Variants in ERC2 observed in about 807,000 individuals in gnomAD.
ERC2 encodes the protein ERC protein 2.
A neutral mutation model predicts 114.8 loss-of-function variants in ERC2; 42 were observed. The observed-to-expected ratio is 0.37, with a 90% CI of 0.29 to 0.47. The LOEUF is 0.47. ERC2 is among the 20% of genes least tolerant of loss of function. ERC2 has a pLI of 0.99. For missense variants in ERC2, 939 were observed against 1,150.7 expected (o/e 0.82, Z 2.66); for synonymous variants, 454 against 425.5 (o/e 1.07, Z -0.82).
intron 2 of ERC2, among the ~76,000 whole-genome samples, chr3:56,395,043 T>TA (rs566484477): frequency 0.25 from 36,781 of 145,286 alleles, 4,708 homozygotes; most frequent in Non-Finnish European, 0.3. Flanking sequence ...TCACACTAAG[T>TA]AAAAAAAAAA....
At chr3:56,238,520 C>T (rs940608240) in intron 3 of ERC2, among the ~76,000 whole-genome samples, 3 of 152,240 alleles carry the variant, frequency 2.0e-5, no homozygotes, top group Non-Finnish European at 4.4e-5. Context: ...CAACTCCCAC[C>T]TAGCCCTGCC....
chr3:55,964,178 G>A (rs2068583107), intron 12 of ERC2, among the ~76,000 whole-genome samples: 1 of 152,168 alleles, frequency 6.6e-6, no homozygotes, highest in South Asian at 2.1e-4. Flanking sequence ...TATAATCTCA[G>A]TTAAATGAAA....
At chr3:55,730,308 C>T (rs1475283424) in intron 15 of ERC2, among the ~76,000 whole-genome samples, 2 of 152,084 alleles carry the variant, frequency 1.3e-5, no homozygotes, top group Non-Finnish European at 2.9e-5. Flanking sequence ...TTGGGCCAGA[C>T]AAAATATCTG....
intron 15 of ERC2, among the ~76,000 whole-genome samples, chr3:55,730,171 G>C (rs964904073): frequency 6.6e-6 from 1 of 152,060 alleles, no homozygotes; most frequent in Non-Finnish European, 1.5e-5. Flanking sequence ...CACAAGCAAG[G>C]TCTTAGCACT....
In ERC2 at chr3:56,055,620, G is replaced by A. The variant is rs138774173; in HGVS notation, c.1641+25197C>T. Among the ~76,000 whole-genome samples the A allele has an allele frequency of 1.8e-3, 278 of 152,228 alleles. 1 individual carries two copies. The highest frequency in any genetic ancestry group is 6.2e-3 in the African/African-American group (257 of 41,544). ...AGAGCTTTTCCTACTAGAATGTCCC[G>A]TATAACAGGCGAGACAGACAAACTG... On this transcript the variant is annotated intron_variant, in intron 7 of 17. Coordinates refer to ENST00000288221, the MANE Select transcript of ERC2 (RefSeq NM_015576.3).
At chr3:56,411,051 G>GAAAAAA (rs61081379) in intron 2 of ERC2, among the ~76,000 whole-genome samples, 13 of 82,164 alleles carry the variant, frequency 1.6e-4, no homozygotes, top group African/African-American at 5.3e-4. Flanking sequence ...AATTATCTCA[G>GAAAAAA]AAAAAAAAAA....
intron 3 of ERC2, among the ~76,000 whole-genome samples, chr3:56,282,818 G>A (rs190426032): frequency 6.4e-4 from 98 of 152,236 alleles, no homozygotes; most frequent in African/African-American, 2.2e-3. Context: ...TTCCTCAGGA[G>A]GCATCTGTGA....
At chr3:55,795,603 G>C (rs1442254378) in intron 14 of ERC2, among the ~76,000 whole-genome samples, 3 of 152,062 alleles carry the variant, frequency 2.0e-5, no homozygotes, top group Non-Finnish European at 4.4e-5. Context: ...TTTCACTCCC[G>C]ACAGGTCTCC....
At chr3:55,846,597 A>G (rs893036250) in intron 14 of ERC2, among the ~76,000 whole-genome samples, 3 of 151,916 alleles carry the variant, frequency 2.0e-5, no homozygotes, top group Non-Finnish European at 4.4e-5. Flanking sequence ...TGATTGAACT[A>G]ATTTATACTC....
At chr3:55,730,010 G>A (rs374224442) in intron 15 of ERC2, among the ~76,000 whole-genome samples, 3 of 152,036 alleles carry the variant, frequency 2.0e-5, no homozygotes, top group East Asian at 1.9e-4. Flanking sequence ...GTCTCACCAA[G>A]CTGCACACTC....
At chr3:55,917,795 A>G (rs1231423799) in intron 13 of ERC2, among the ~76,000 whole-genome samples, 1 of 152,206 alleles carries the variant, frequency 6.6e-6, no homozygotes, top group Admixed American at 6.5e-5. Flanking sequence ...TGTGAATTAT[A>G]TCTCAATAAG....
chr3:55,736,141 T>C (rs1575433431), intron 14 of ERC2, among the ~76,000 whole-genome samples: 1 of 152,226 alleles, frequency 6.6e-6, no homozygotes, highest in African/African-American at 2.4e-5. Context: ...AGTAAAGTCA[T>C]CTTTCAAAAC....
intron 17 of ERC2, among the ~76,000 whole-genome samples, chr3:55,667,363 C>A (rs972573614): frequency 6.6e-5 from 10 of 152,278 alleles, no homozygotes; most frequent in South Asian, 6.2e-4. Context: ...TAAATGGAGA[C>A]CTTTAAAAAG....
chr3:56,413,804 A>G (rs1238760052), intron 2 of ERC2, among the ~76,000 whole-genome samples: 2 of 152,200 alleles, frequency 1.3e-5, no homozygotes, highest in Non-Finnish European at 2.9e-5. Context: ...AGAACATGAA[A>G]CACCTCGGGA....
intron 14 of ERC2, among the ~76,000 whole-genome samples, chr3:55,817,464 C>T (rs2059946708): frequency 6.6e-6 from 1 of 152,238 alleles, no homozygotes; most frequent in African/African-American, 2.4e-5. Flanking sequence ...CGGCCTTCAG[C>T]TCATCACGTC....
chr3:56,179,707 T>C (rs939681597), intron 3 of ERC2, among the ~76,000 whole-genome samples: 7 of 151,242 alleles, frequency 4.6e-5, no homozygotes, highest in Non-Finnish European at 1.0e-4. Flanking sequence ...ACAGGAAAAA[T>C]GGAAGTGGAC....
At chr3:56,262,892 C>T (rs2150267370) in intron 3 of ERC2, among the ~76,000 whole-genome samples, 1 of 152,266 alleles carries the variant, frequency 6.6e-6, no homozygotes, top group Middle Eastern at 3.4e-3. Context: ...ATTTAACATT[C>T]CAAAGATTGT....
Position 56,296,096 on chromosome 3 carries a change from C to A in ERC2, c.997G>T (p.Ala333Ser), listed in dbSNP as rs992462048. Residue 333 changes from alanine (A) to serine (S), a missense_variant, in exon 3 of 18, where the codon GCA (alanine) becomes TCA (serine). Physicochemically the swap from Ala to Ser is moderately conservative, Grantham distance 99 (BLOSUM62 1). Coordinates refer to ENST00000288221, the MANE Select transcript of ERC2 (RefSeq NM_015576.3). ...EDDNERTRRM[A>S]EAESQVSHLE... ...TGGCTGACCTGAGACTCAGCCTCTG[C>A]CATCCGCCGCGTTCGCTCATTGTCA... is the stretch of plus-strand genomic sequence containing the variant. 3 of 1,613,474 alleles carry A rather than the reference C, an allele frequency of 1.9e-6. No individual in the cohort carries two copies. The highest frequency in any genetic ancestry group is 1.3e-5 in the African/African-American group (1 of 74,922).
chr3:56,020,924 G>A (rs184583724), intron 7 of ERC2, among the ~76,000 whole-genome samples: 116 of 152,270 alleles, frequency 7.6e-4, no homozygotes, highest in African/African-American at 2.7e-3. Context: ...CTGAGGGTCA[G>A]GGTCCTACTG....
Sources: gnomAD v4.1 joint callset for allele counts (sites outside exome capture counted in the v4.1 genomes callset) on GRCh38, gnomAD v4.1.1 for gene constraint, MANE v1.5 for transcripts, NCBI Gene and HGNC (gene_info 2026-07-23, HGNC 2026-07-21) for gene names.